The following EPHA8 variants were observed in gnomAD, a reference collection of about 807,000 sequenced individuals.
The protein encoded by EPHA8 is EPH receptor A8.
A neutral mutation model predicts 103.6 loss-of-function variants in EPHA8; 58 were observed. The ratio of observed to expected loss-of-function variants is 0.56; its 90% confidence interval spans 0.45 to 0.70. The LOEUF (loss-of-function observed/expected upper bound fraction) is 0.70, where lower values mean the gene tolerates loss of function less well. Ranked by LOEUF, EPHA8 falls within the 30% of genes least tolerant of loss-of-function variation. EPHA8 has a pLI of 0.00. For missense variants in EPHA8, 1,304 were observed against 1,395.2 expected, an observed-to-expected ratio of 0.93 and a Z score of 1.04; for synonymous variants, 559 against 572.5, an observed-to-expected ratio of 0.98 and a Z score of 0.34.
At chr1:22,575,812 C>T (rs533083846) in intron 2 of EPHA8, among the ~76,000 whole-genome samples, 1 of 152,208 alleles carries the variant, frequency 6.6e-6, no homozygotes, top group East Asian at 1.9e-4. Flanking sequence ...AGAAAGATTC[C>T]TCTGGCAGCT....
At chr1:22,601,246 G>T in intron 15 of EPHA8, 54 bp from the exon 16 acceptor site, 1 of 1,552,930 alleles carries the variant, frequency 6.4e-7, no homozygotes, top group Non-Finnish European at 8.7e-7. Flanking sequence ...GCTTCTTCTG[G>T]GGGTCCAGCC....
At position 22,567,420 on chromosome 1, in the gene EPHA8, G is replaced by A. The variant is rs371628985; in HGVS notation, c.95-1869G>A. On this transcript the variant is annotated intron_variant, in intron 1 of 16. Coordinates refer to ENST00000166244, the MANE Select transcript of EPHA8 (RefSeq NM_020526.5). This position sits in a 1 kb window ranked among gnomAD's most constrained non-coding sequence, Gnocchi z 4.2. Reference sequence around the variant, plus strand: ...TTGCCTGAGAGGGAGGGAGGCAGGCGGGAAGCCTTCTCTCTGCCTCTGCCC... The same window carrying A: ...TTGCCTGAGAGGGAGGGAGGCAGGCAGGAAGCCTTCTCTCTGCCTCTGCCC... Among the ~76,000 whole-genome samples, 1 of 152,182 alleles carries A rather than the reference G, an allele frequency of 6.6e-6. No individual in the cohort carries two copies. Among genetic ancestry groups the A allele is most frequent in the South Asian group, 2.1e-4 (1 of 4,828 alleles).
In EPHA8 at chr1:22,602,508, C is replaced by T. The variant is rs1283069450; in HGVS notation, c.*767C>T. 6.5e-6 allele frequency: 1 copy of T among 152,918 alleles called. No homozygotes were observed. Among genetic ancestry groups the T allele is most frequent in the African/African-American group, 2.4e-5 (1 of 41,472 alleles). 9.5% of individuals were successfully genotyped at this position (152,918 alleles called of 1,614,324 possible). ...CAGGAAAACAGGGTTCCCGGTCAGT[C>T]CGGCTGGCCGCCTTCATGGAGGCAT... On this transcript the variant is annotated 3_prime_UTR_variant, in exon 17 of 17. Transcript: ENST00000166244.
chr1:22,571,471 T>C (rs1391837383), intron 2 of EPHA8, among the ~76,000 whole-genome samples: 1 of 152,142 alleles, frequency 6.6e-6, no homozygotes, highest in African/African-American at 2.4e-5. Flanking sequence ...GCCCAGAGCC[T>C]GTGGTGAGTC....
Position 22,597,349 on chromosome 1 carries a change from G to A in EPHA8, c.1803G>A (p.Pro601=), listed in dbSNP as rs572862634. The A allele has an allele frequency of 2.4e-5, 37 of 1,570,356 alleles. No homozygotes were observed. The South Asian group carries it at 2.8e-4, about 12-fold the overall frequency. ...PPVFLPLHHP[P]GKLPEPQFYA... ...TCTTCCTGCCTCTGCATCACCCCCCGGGAAAGCTCCCAGAGCCCCAGTTCT... is the reference window on the plus strand; with the variant it reads ...TCTTCCTGCCTCTGCATCACCCCCCAGGAAAGCTCCCAGAGCCCCAGTTCT... The change falls in exon 10 of 17, where the codon CCG becomes CCA. Residue 601 remains proline, a synonymous_variant. Coordinates refer to ENST00000166244, the MANE Select transcript of EPHA8 (RefSeq NM_020526.5). The surrounding 1 kb of genome is among the most constrained non-coding windows in gnomAD (Gnocchi z 4.6).
In EPHA8 at chr1:22,593,565, C is replaced by T; in HGVS notation, c.1482C>T (p.Thr494=). ...GCTACTCCACCCTCAAGGCCGTCAC[C>T]ACCAGAGCCACCGTCTCCGGCCTCA... is the stretch of plus-strand genomic sequence containing the variant. ...MQSYSTLKAV[T]TRATVSGLKP... The change falls in exon 7 of 17, where the codon ACC becomes ACT. Residue 494 remains threonine, a synonymous_variant. Transcript: ENST00000166244. The T allele has an allele frequency of 6.2e-7, 1 of 1,612,492 alleles. No homozygotes were observed. Among genetic ancestry groups the T allele is most frequent in the Non-Finnish European group, 8.5e-7 (1 of 1,179,798 alleles).
chr1:22,591,246 A>ACAAT lies in EPHA8; in HGVS notation c.1315+2041_1315+2044dup, dbSNP rs557946766. On this transcript the variant is annotated intron_variant, in intron 5 of 16. Transcript: ENST00000166244. The stretch of plus-strand genomic sequence containing the variant: ...CTCTACAAAAAAAATTTTTTTTGAG[A>ACAAT]CAATGTCTCTATCTGTCACCCATGC... Among the ~76,000 whole-genome samples, 3 of 152,128 alleles carry ACAAT rather than the reference A, an allele frequency of 2.0e-5. No individual in the cohort carries two copies. In the East Asian group the frequency reaches 5.8e-4, roughly 30 times the overall value.
chr1:22,566,976 T>C (rs113642194), intron 1 of EPHA8, among the ~76,000 whole-genome samples: 2,624 of 152,220 alleles, frequency 0.017, 31 homozygotes, highest in Non-Finnish European at 0.026. Context: ...CTGAGTCCGA[T>C]AGAATTGACT....
intron 1 of EPHA8, among the ~76,000 whole-genome samples, chr1:22,566,489 TC>T (rs200348196): frequency 3.3e-5 from 5 of 151,886 alleles, no homozygotes; most frequent in African/African-American, 1.2e-4. Flanking sequence ...ACCCGTTTGA[TC>T]CCCCCAGAAC....
At chr1:22,571,822 C>T (rs945336915) in intron 2 of EPHA8, among the ~76,000 whole-genome samples, 1 of 152,040 alleles carries the variant, frequency 6.6e-6, no homozygotes, top group Non-Finnish European at 1.5e-5. Context: ...GGCTTGCTTG[C>T]GACCAGGAGT....
chr1:22,592,036 C>A (rs1384023150), intron 5 of EPHA8, among the ~76,000 whole-genome samples: 1 of 152,198 alleles, frequency 6.6e-6, no homozygotes, highest in Admixed American at 6.5e-5. Flanking sequence ...CGGCTCCTAG[C>A]CCCGTGCCCA....
chr1:22,592,755 ACCT>A (rs1462418794), intron 5 of EPHA8, among the ~76,000 whole-genome samples: 1 of 138,398 alleles, frequency 7.2e-6, no homozygotes, highest in East Asian at 2.3e-4. Context: ...TGTGTCTGAC[ACCT>A]CCTAGCAGCC....
chr1:22,601,415 G>A lies in EPHA8; in HGVS notation c.2845G>A (p.Asp949Asn). Reference sequence around the variant, plus strand: ...CTCCATCCGCATGGGCCGGTACCGAGACCACTTCGCTGCGGGCGGATACTC... The same window carrying A: ...CTCCATCCGCATGGGCCGGTACCGAAACCACTTCGCTGCGGGCGGATACTC... ...LDSIRMGRYR[D>N]HFAAGGYSSL... Residue 949 changes from aspartate (D) to asparagine (N), a missense_variant, in exon 16 of 17, where the codon GAC becomes AAC. Transcript: ENST00000166244. The A allele has an allele frequency of 6.2e-7, 1 of 1,611,346 alleles. No homozygotes were observed. The highest frequency in any genetic ancestry group is 1.1e-5 in the South Asian group (1 of 91,082).
chr1:22,574,571 T>C lies in EPHA8; in HGVS notation c.160-1646T>C, dbSNP rs141433335. ...TATACATGGAATCCTAACTATTTGT[T>C]TTTTGTTTCTAGCTTATTTCATTTG... is the stretch of plus-strand genomic sequence containing the variant. On this transcript the variant is annotated intron_variant, in intron 2 of 16. Coordinates refer to ENST00000166244, the MANE Select transcript of EPHA8 (RefSeq NM_020526.5). 1.1e-3 allele frequency among the ~76,000 whole-genome samples: 161 copies of C among 152,362 alleles called. 3 individuals carry two copies. In the East Asian group the frequency reaches 0.025, roughly 24 times the overall value.
intron 4 of EPHA8, among the ~76,000 whole-genome samples, chr1:22,588,629 G>C (rs957032615): frequency 6.6e-6 from 1 of 151,554 alleles, no homozygotes; most frequent in African/African-American, 2.4e-5. Context: ...CTGATGGGTG[G>C]GGGGGATGGG....
chr1:22,577,991 ATGTACACCTGTGTGTGCAT>A (rs1640786581), intron 3 of EPHA8, among the ~76,000 whole-genome samples: 1 of 294 alleles, frequency 3.4e-3, no homozygotes, highest in East Asian at 0.056. Context: ...GCATGTGTGC[ATGTACACCTGTGTGTGCAT>A]GTGTATGTGT....
At chr1:22,577,728 G>A (rs906229611) in intron 3 of EPHA8, among the ~76,000 whole-genome samples, 2 of 151,786 alleles carry the variant, frequency 1.3e-5, no homozygotes, top group Non-Finnish European at 1.5e-5. Context: ...GCAGGAGCAA[G>A]GCATGCAGAC....
Position 22,584,256 on chromosome 1 carries a change from G to A in EPHA8, c.824-2224G>A, listed in dbSNP as rs150164964. On this transcript the variant is annotated intron_variant, in intron 3 of 16. Transcript: ENST00000166244. ...CGGGGGGCTTCTGGGAAGAGGAGGC[G>A]AGATCACAGTGTGTCAGTCAAGACT... Among the ~76,000 whole-genome samples, 245 of 152,318 alleles carry A rather than the reference G, an allele frequency of 1.6e-3. 2 individuals are homozygous for A. The highest frequency in any genetic ancestry group is 6.8e-3 in the Middle Eastern group (2 of 294).
chr1:22,569,373 G>C lies in EPHA8; in HGVS notation c.159+20G>C, dbSNP rs759007058. 1 of 1,572,102 alleles carries C rather than the reference G, an allele frequency of 6.4e-7. No individual in the cohort carries two copies. Among genetic ancestry groups the C allele is most frequent in the East Asian group, 2.3e-5 (1 of 43,984 alleles). ...CATGGGGTGAGTGATGGGCACTGGGGACAACGTCATCCCTCTGTGAGCAGA... is the reference window on the plus strand; with the variant it reads ...CATGGGGTGAGTGATGGGCACTGGGCACAACGTCATCCCTCTGTGAGCAGA... On this transcript the variant is annotated intron_variant, in intron 2 of 16. Coordinates refer to ENST00000166244, the MANE Select transcript of EPHA8 (RefSeq NM_020526.5). The surrounding 1 kb of genome is among the most constrained non-coding windows in gnomAD (Gnocchi z 4.5).
Sources: allele counts gnomAD v4.1 joint callset (sites outside exome capture counted in the v4.1 genomes callset), GRCh38; gene constraint gnomAD v4.1.1; non-coding constraint Gnocchi (gnomAD v3.1); transcripts MANE v1.5; gene names NCBI Gene and HGNC (gene_info 2026-07-23, HGNC 2026-07-21).